The following TLN2 variants were observed in gnomAD, a reference collection of about 807,000 sequenced individuals.
TLN2 encodes talin-2.
A neutral mutation model predicts 294.7 loss-of-function variants in TLN2; 118 were observed. The observed-to-expected ratio is 0.40, with a 90% confidence interval of 0.34 to 0.47. TLN2 has a LOEUF of 0.47. Among genes scored for constraint, TLN2 ranks in the 20% least tolerant of loss-of-function variants. TLN2 has a pLI of 0.84. For synonymous variants in TLN2, 1,431 were observed against 1,304.5 expected (o/e 1.10, Z -2.09); for missense variants, 3,083 against 3,282.2 (o/e 0.94, Z 1.48).
chr15:62,537,920 C>G (rs2041454749), intron 1 of TLN2, among the ~76,000 whole-genome samples: 1 of 152,160 alleles, frequency 6.6e-6, no homozygotes, highest in Non-Finnish European at 1.5e-5. Context: ...ACCTCCCACA[C>G]TGTTAAGAGC....
chr15:62,688,215 G>C (rs1262087191), intron 12 of TLN2, among the ~76,000 whole-genome samples: 6 of 152,144 alleles, frequency 3.9e-5, no homozygotes, highest in Non-Finnish European at 4.4e-5. Context: ...ACAGTATTTT[G>C]ATTAAAGCAT....
At chr15:62,644,897 C>T (rs1002865980) in intron 3 of TLN2, 18 of 295,566 alleles carry the variant, frequency 6.1e-5, no homozygotes, top group Admixed American at 2.4e-4. Flanking sequence ...CTGGGAAGGG[C>T]AGACTTCACG....
intron 54 of TLN2, among the ~76,000 whole-genome samples, chr15:62,820,861 G>A (rs1437257721): frequency 1.3e-5 from 2 of 152,210 alleles, no homozygotes; most frequent in African/African-American, 4.8e-5. Context: ...GGCATTTGCA[G>A]TCTTGATTTA....
intron 48 of TLN2, among the ~76,000 whole-genome samples, chr15:62,800,000 G>T (rs532921262): frequency 6.6e-6 from 1 of 152,328 alleles, no homozygotes; most frequent in Admixed American, 6.5e-5. Context: ...GGGTCAGGTG[G>T]GGATTTTTAC....
At chr15:62,521,015 A>T (rs2040430833) in intron 1 of TLN2, among the ~76,000 whole-genome samples, 1 of 152,166 alleles carries the variant, frequency 6.6e-6, no homozygotes, top group Admixed American at 6.5e-5. Flanking sequence ...AGGAGAGTAT[A>T]CTACTTTAAG....
At chr15:62,698,287 T>G (rs949321381) in intron 15 of TLN2, among the ~76,000 whole-genome samples, 1 of 152,252 alleles carries the variant, frequency 6.6e-6, no homozygotes, top group African/African-American at 2.4e-5. Flanking sequence ...TGGGACTCCC[T>G]TGCTATTGTG....
rs189565300 is a variant in TLN2 at position 62,654,277 on chromosome 15, T to G, written c.517+963T>G. Among the ~76,000 whole-genome samples, 310 of 152,352 alleles carry G rather than the reference T, an allele frequency of 2.0e-3. 3 individuals are homozygous for G. The highest frequency in any genetic ancestry group is 7.0e-3 in the African/African-American group (292 of 41,590). ...ATTTAACATGTTCCTCTGTCCCTTT[T>G]AATTCTTTAGATCTGGAGGCTTGAA... On this transcript the variant is annotated intron_variant, in intron 7 of 58. Transcript: ENST00000636159.
intron 1 of TLN2, among the ~76,000 whole-genome samples, chr15:62,471,854 CCCT>C (rs2037493013): frequency 6.6e-6 from 1 of 151,494 alleles, no homozygotes; most frequent in African/African-American, 2.4e-5. Context: ...AGCCCAGCCT[CCCT>C]CATCAGTCAG....
intron 45 of TLN2, 49 bp from the exon 46 acceptor site, chr15:62,792,592 G>T: frequency 6.3e-7 from 1 of 1,591,746 alleles, no homozygotes; most frequent in Middle Eastern, 2.1e-4. Context: ...GGCCTCGATG[G>T]CAGAGTCCAT....
At chr15:62,612,548 T>C (rs1023788176) in intron 2 of TLN2, among the ~76,000 whole-genome samples, 80 of 152,330 alleles carry the variant, frequency 5.3e-4, no homozygotes, top group African/African-American at 1.3e-3. Flanking sequence ...CCTGGGGGTC[T>C]TTATGGTAAG....
At chr15:62,741,066 T>A (rs1052873404) in intron 32 of TLN2, among the ~76,000 whole-genome samples, 3 of 152,238 alleles carry the variant, frequency 2.0e-5, no homozygotes, top group Admixed American at 6.5e-5. Context: ...AGATTTTTTT[T>A]AAGTAGCATT....
At chr15:62,812,108 C>T (rs1472419510) in intron 52 of TLN2, among the ~76,000 whole-genome samples, 1 of 152,130 alleles carries the variant, frequency 6.6e-6, no homozygotes, top group Non-Finnish European at 1.5e-5. Flanking sequence ...TACTTGCTAA[C>T]GGTGGGCTTG....
intron 3 of TLN2, among the ~76,000 whole-genome samples, chr15:62,621,130 T>C (rs1047785414): frequency 3.3e-5 from 5 of 152,188 alleles, no homozygotes; most frequent in African/African-American, 9.7e-5. Context: ...TGAGCCACTG[T>C]GCCCGGCCAA....
chr15:62,780,400 G>T (rs2064057561), intron 43 of TLN2, among the ~76,000 whole-genome samples: 1 of 152,140 alleles, frequency 6.6e-6, no homozygotes, highest in African/African-American at 2.4e-5. Flanking sequence ...ACCATGTGAT[G>T]CCTGGAAGTT....
At chr15:62,560,296 G>A (rs558988441) in intron 1 of TLN2, among the ~76,000 whole-genome samples, 36 of 152,102 alleles carry the variant, frequency 2.4e-4, no homozygotes, top group African/African-American at 8.4e-4. Flanking sequence ...GCTGGAGTGC[G>A]GTGGCGGTAT....
intron 44 of TLN2, among the ~76,000 whole-genome samples, chr15:62,783,463 C>G (rs1203618555): frequency 6.6e-6 from 1 of 152,244 alleles, no homozygotes; most frequent in South Asian, 2.1e-4. Context: ...AGGGTGGGCC[C>G]TGGGCACTGG....
intron 1 of TLN2, among the ~76,000 whole-genome samples, chr15:62,522,476 G>A (rs2040510563): frequency 2.6e-5 from 4 of 152,294 alleles, no homozygotes; most frequent in Admixed American, 2.6e-4. Flanking sequence ...ACTGGCATAT[G>A]GATAGGTCTG....
In TLN2 at chr15:62,697,887, G is replaced by C; in HGVS notation, c.1473+19G>C. On this transcript the variant is annotated intron_variant, in intron 15 of 58. Coordinates refer to ENST00000636159, the MANE Select transcript of TLN2 (RefSeq NM_015059.3). ...GCCACTGGTGAGGCTTCCTGTGCTC[G>C]TCCCCCACTCGTTAGTCTGCTGCCT... is the stretch of plus-strand genomic sequence containing the variant. 5 of 1,607,728 alleles carry C rather than the reference G, an allele frequency of 3.1e-6. No homozygotes were observed. In the Admixed American group the frequency reaches 8.4e-5, roughly 27 times the overall value.
chr15:62,793,221 G>T (rs1381030395), intron 46 of TLN2, among the ~76,000 whole-genome samples: 2 of 152,208 alleles, frequency 1.3e-5, no homozygotes, highest in Admixed American at 6.5e-5. Context: ...TCCCTTTGGT[G>T]TAACCTCTAA....
Sources: allele counts gnomAD v4.1 joint callset (sites outside exome capture counted in the v4.1 genomes callset), GRCh38; gene constraint gnomAD v4.1.1; transcripts MANE v1.5; gene names NCBI Gene and HGNC (gene_info 2026-07-23, HGNC 2026-07-21).